The following ST6GALNAC3 variants were observed in gnomAD, a reference collection of about 807,000 sequenced individuals.
The protein encoded by ST6GALNAC3 is ST6 N-acetylgalactosaminide alpha-2,6-sialyltransferase 3.
In ST6GALNAC3, 25 loss-of-function variants were observed where a neutral mutation model predicts 32.7. The ratio of observed to expected loss-of-function variants is 0.76; its 90% CI spans 0.56 to 1.07. The LOEUF (loss-of-function observed/expected upper bound fraction) is 1.07, where lower values mean the gene tolerates loss of function less well. Among genes scored for constraint, ST6GALNAC3 ranks in the 50% least tolerant of loss-of-function variants. The pLI is 0.00. For synonymous variants in ST6GALNAC3, 129 were observed against 133.1 expected (o/e 0.97, Z 0.21); for missense variants, 355 against 382.4 (o/e 0.93, Z 0.60).
intron 3 of ST6GALNAC3, among the ~76,000 whole-genome samples, chr1:76,514,569 T>A (rs558654372): frequency 2.6e-5 from 4 of 152,198 alleles, no homozygotes; most frequent in Admixed American, 2.6e-4. Flanking sequence ...TAAGTTCCAG[T>A]GAGAGTGGGT....
intron 3 of ST6GALNAC3, among the ~76,000 whole-genome samples, chr1:76,620,711 T>C (rs148958431): frequency 6.6e-6 from 1 of 152,048 alleles, no homozygotes; most frequent in African/African-American, 2.4e-5. Flanking sequence ...AAAGGCCCCA[T>C]CACCAAATAC....
intron 1 of ST6GALNAC3, among the ~76,000 whole-genome samples, chr1:76,213,420 A>C (rs999630041): frequency 6.6e-6 from 1 of 152,212 alleles, no homozygotes; most frequent in Non-Finnish European, 1.5e-5. Flanking sequence ...TTATTGTTTT[A>C]AGTCAAGGAA....
At chr1:76,602,560 A>C (rs1209848157) in intron 3 of ST6GALNAC3, among the ~76,000 whole-genome samples, 1 of 152,150 alleles carries the variant, frequency 6.6e-6, no homozygotes, top group Non-Finnish European at 1.5e-5. Flanking sequence ...CTAAGTTGTA[A>C]GACAAAGAAA....
At chr1:76,132,695 C>G (rs1557642723) in intron 1 of ST6GALNAC3, among the ~76,000 whole-genome samples, 1 of 152,174 alleles carries the variant, frequency 6.6e-6, no homozygotes, top group African/African-American at 2.4e-5. Context: ...GCAGCTCCCT[C>G]CATCAGATGA....
intron 3 of ST6GALNAC3, among the ~76,000 whole-genome samples, chr1:76,589,029 T>A (rs1647005640): frequency 6.6e-6 from 1 of 152,150 alleles, no homozygotes; most frequent in Non-Finnish European, 1.5e-5. Flanking sequence ...CCTGTGTAGA[T>A]CCTGACTGAT....
chr1:76,122,300 C>T (rs1055285066), intron 1 of ST6GALNAC3, among the ~76,000 whole-genome samples: 1 of 152,164 alleles, frequency 6.6e-6, no homozygotes, highest in Admixed American at 6.5e-5. Context: ...CTCCCCCATG[C>T]GTTATCTTCA....
At chr1:76,165,364 G>T (rs547705290) in intron 1 of ST6GALNAC3, among the ~76,000 whole-genome samples, 1 of 152,198 alleles carries the variant, frequency 6.6e-6, no homozygotes. Context: ...CCTTTTAATG[G>T]TTGCATAGTA....
chr1:76,375,796 A>T (rs1444534595), intron 2 of ST6GALNAC3, among the ~76,000 whole-genome samples: 4 of 152,242 alleles, frequency 2.6e-5, no homozygotes, highest in Non-Finnish European at 4.4e-5. Context: ...ATTTATTCAT[A>T]AAATGGAATA....
intron 3 of ST6GALNAC3, among the ~76,000 whole-genome samples, chr1:76,496,462 A>G (rs1660854332): frequency 6.6e-6 from 1 of 152,174 alleles, no homozygotes; most frequent in Non-Finnish European, 1.5e-5. Flanking sequence ...TAGAACTGTT[A>G]TAGTTTGGAG....
chr1:76,238,653 A>G (rs1011104355), intron 1 of ST6GALNAC3, among the ~76,000 whole-genome samples: 1 of 152,084 alleles, frequency 6.6e-6, no homozygotes, highest in Admixed American at 6.5e-5. Flanking sequence ...GGGGGAAGGA[A>G]CCAGCTTTGG....
intron 3 of ST6GALNAC3, among the ~76,000 whole-genome samples, chr1:76,423,003 A>G (rs937264915): frequency 6.6e-6 from 1 of 152,000 alleles, no homozygotes; most frequent in African/African-American, 2.4e-5. Flanking sequence ...TTCTAGACAG[A>G]GAGACAAATC....
chr1:76,457,973 G>A lies in ST6GALNAC3; in HGVS notation c.623+45556G>A, dbSNP rs988443568. On this transcript the variant is annotated intron_variant, in intron 3 of 4. Transcript: ENST00000328299. ...ACCTACAAAATGGGAGAAAATTTTC[G>A]CAACCTACTCATCTGACAAAGGGCT... is the stretch of plus-strand genomic sequence containing the variant. Among the ~76,000 whole-genome samples, 55 of 148,020 alleles carry A rather than the reference G, an allele frequency of 3.7e-4. 1 individual carries two copies. The South Asian group carries it at 7.4e-3, about 20-fold the overall frequency.
chr1:76,226,842 A>G (rs1298951797), intron 1 of ST6GALNAC3, among the ~76,000 whole-genome samples: 2 of 151,990 alleles, frequency 1.3e-5, no homozygotes, highest in African/African-American at 2.4e-5. Context: ...TCACCTCCTC[A>G]CCTCCAACAT....
At chr1:76,140,272 T>C (rs925679963) in intron 1 of ST6GALNAC3, among the ~76,000 whole-genome samples, 5 of 152,208 alleles carry the variant, frequency 3.3e-5, no homozygotes, top group African/African-American at 1.2e-4. Flanking sequence ...TTACAAGGTA[T>C]TTCATTAACA....
chr1:76,186,188 G>T (rs1357937744), intron 1 of ST6GALNAC3, among the ~76,000 whole-genome samples: 2 of 152,102 alleles, frequency 1.3e-5, no homozygotes, highest in Non-Finnish European at 2.9e-5. Context: ...TAATAGGATT[G>T]ATTCTTAAGT....
intron 1 of ST6GALNAC3, among the ~76,000 whole-genome samples, chr1:76,126,752 T>G (rs148519080): frequency 5.5e-4 from 84 of 152,294 alleles, no homozygotes; most frequent in African/African-American, 2.0e-3. Context: ...CATTTCTGCC[T>G]TGCCATATTG....
intron 1 of ST6GALNAC3, among the ~76,000 whole-genome samples, chr1:76,128,069 G>A (rs1238803570): frequency 6.6e-6 from 1 of 152,124 alleles, no homozygotes; most frequent in African/African-American, 2.4e-5. Context: ...TCAACCTGTG[G>A]AGGATGGCAA....
At chr1:76,423,819 G>A (rs1012978642) in intron 3 of ST6GALNAC3, among the ~76,000 whole-genome samples, 5 of 151,890 alleles carry the variant, frequency 3.3e-5, no homozygotes, top group African/African-American at 1.2e-4. Context: ...TTGAACTTTT[G>A]TTGATTGGAG....
At chr1:76,475,467 A>G (rs909086153) in intron 3 of ST6GALNAC3, among the ~76,000 whole-genome samples, 1 of 152,178 alleles carries the variant, frequency 6.6e-6, no homozygotes, top group Admixed American at 6.5e-5. Context: ...AACTATAGTC[A>G]TTGGAATTAG....
Sources: allele counts gnomAD v4.1 joint callset (sites outside exome capture counted in the v4.1 genomes callset), GRCh38; gene constraint gnomAD v4.1.1; transcripts MANE v1.5; gene names NCBI Gene and HGNC (gene_info 2026-07-23, HGNC 2026-07-21).